MDFIC2: variants seen among roughly 807,000 people sequenced by gnomAD.
The protein encoded by MDFIC2 is myoD family inhibitor domain-containing protein 2.
chr3:70,214,034 G>A (rs9842452), intron 2 of MDFIC2, among the ~76,000 whole-genome samples: 3,386 of 152,098 alleles, frequency 0.022, 100 homozygotes, highest in African/African-American at 0.076. Flanking sequence ...AAGCTGAGTG[G>A]ATAATTTTCT....
At chr3:70,293,840 G>C (rs1702264761) in intron 2 of MDFIC2, among the ~76,000 whole-genome samples, 1 of 151,984 alleles carries the variant, frequency 6.6e-6, no homozygotes, top group Non-Finnish European at 1.5e-5. Flanking sequence ...TTAATTGGTA[G>C]AATCAACTTA....
At chr3:70,297,363 G>A (rs1272443156) in intron 2 of MDFIC2, among the ~76,000 whole-genome samples, 1 of 151,958 alleles carries the variant, frequency 6.6e-6, no homozygotes, top group East Asian at 1.9e-4. Flanking sequence ...AAAAAGAACT[G>A]GATATCTTGG....
Position 70,270,787 on chromosome 3 carries a change from C to A in MDFIC2, c.88+41099G>T, listed in dbSNP as rs1049374924. Among the ~76,000 whole-genome samples the A allele has an allele frequency of 3.9e-5, 6 of 152,106 alleles. No homozygotes were observed. In the East Asian group the frequency reaches 1.2e-3, roughly 29 times the overall value. On this transcript the variant is annotated intron_variant, in intron 2 of 3. Transcript: ENST00000567252. ...ATTCTCAGCAAACTAACACAGGAAC[C>A]AAAAACCAAAAACACAAGTTATCAC...
At chr3:70,274,725 T>G (rs1469662544) in intron 2 of MDFIC2, among the ~76,000 whole-genome samples, 1 of 152,090 alleles carries the variant, frequency 6.6e-6, no homozygotes, top group African/African-American at 2.4e-5. Flanking sequence ...GTAACAAACC[T>G]GCACATCCTG....
intron 2 of MDFIC2, among the ~76,000 whole-genome samples, chr3:70,209,713 G>A (rs544350718): frequency 6.6e-6 from 1 of 152,104 alleles, no homozygotes; most frequent in East Asian, 1.9e-4. Context: ...TTTATTCTTA[G>A]CTTTTATCTC....
At chr3:70,269,961 T>C (rs1035354051) in intron 2 of MDFIC2, among the ~76,000 whole-genome samples, 1 of 151,854 alleles carries the variant, frequency 6.6e-6, no homozygotes, top group African/African-American at 2.4e-5. Flanking sequence ...AAGAAAATGA[T>C]CCTCAAATAA....
chr3:70,276,131 G>GT (rs1702023425), intron 2 of MDFIC2, among the ~76,000 whole-genome samples: 1 of 152,130 alleles, frequency 6.6e-6, no homozygotes, highest in African/African-American at 2.4e-5. Flanking sequence ...AGTTTTGCCA[G>GT]TTTTTTTCCT....
intron 2 of MDFIC2, among the ~76,000 whole-genome samples, chr3:70,296,654 C>T (rs143294045): frequency 2.7e-4 from 41 of 152,264 alleles, no homozygotes; most frequent in African/African-American, 9.1e-4. Flanking sequence ...TCCATTCCCA[C>T]AGCCAATTAC....
chr3:70,222,030 T>C (rs969275301), intron 2 of MDFIC2, among the ~76,000 whole-genome samples: 3 of 152,132 alleles, frequency 2.0e-5, no homozygotes, highest in African/African-American at 7.2e-5. Flanking sequence ...GTGCTTTGGC[T>C]CTATCCCACT....
At chr3:70,253,225 G>T (rs188419211) in intron 2 of MDFIC2, among the ~76,000 whole-genome samples, 1 of 152,312 alleles carries the variant, frequency 6.6e-6, no homozygotes, top group African/African-American at 2.4e-5. Flanking sequence ...TACTGAGAAG[G>T]TGCCTTTTAG....
intron 2 of MDFIC2, among the ~76,000 whole-genome samples, chr3:70,265,918 T>C (rs6419773): frequency 0.98 from 148,473 of 152,234 alleles, 72,496 homozygotes; most frequent in Non-Finnish European, 1. Context: ...GGGGAAGCCA[T>C]ATCCATGATC....
intron 2 of MDFIC2, among the ~76,000 whole-genome samples, chr3:70,292,855 T>C (rs4974263): frequency 0.07 from 10,572 of 151,952 alleles, 583 homozygotes; most frequent in East Asian, 0.28. Flanking sequence ...GAAGGTAGAA[T>C]TACCTTGATA....
At chr3:70,227,098 T>A (rs1701515133) in intron 2 of MDFIC2, among the ~76,000 whole-genome samples, 1 of 152,148 alleles carries the variant, frequency 6.6e-6, no homozygotes, top group Non-Finnish European at 1.5e-5. Context: ...ACAAATTATA[T>A]CCAAGTTCCC....
At chr3:70,216,658 C>T (rs926212483) in intron 2 of MDFIC2, among the ~76,000 whole-genome samples, 1 of 152,024 alleles carries the variant, frequency 6.6e-6, no homozygotes, top group South Asian at 2.1e-4. Context: ...GTATAGTAAC[C>T]ATTTCCCTTC....
chr3:70,289,615 A>G (rs199937535), intron 2 of MDFIC2, among the ~76,000 whole-genome samples: 10,353 of 150,052 alleles, frequency 0.069, 538 homozygotes, highest in East Asian at 0.27. Flanking sequence ...CTGCCTTGCT[A>G]GATTGGGGAA....
chr3:70,256,969 C>T (rs1429217723), intron 2 of MDFIC2, among the ~76,000 whole-genome samples: 1 of 151,988 alleles, frequency 6.6e-6, no homozygotes, highest in Admixed American at 6.6e-5. Context: ...AGGAAAAGCC[C>T]GACTATGGGC....
chr3:70,239,095 A>G (rs1701639879), intron 2 of MDFIC2, among the ~76,000 whole-genome samples: 1 of 152,316 alleles, frequency 6.6e-6, no homozygotes, highest in Middle Eastern at 3.4e-3. Context: ...AAGAATAAAG[A>G]AACTGAGATG....
intron 2 of MDFIC2, among the ~76,000 whole-genome samples, chr3:70,268,809 C>A (rs1701947919): frequency 1.3e-5 from 2 of 152,100 alleles, no homozygotes; most frequent in African/African-American, 4.8e-5. Context: ...TTTCCTTCAT[C>A]TACAAAACAA....
chr3:70,282,450 A>G (rs960116018), intron 2 of MDFIC2, among the ~76,000 whole-genome samples: 3 of 152,228 alleles, frequency 2.0e-5, no homozygotes, highest in African/African-American at 7.2e-5. Flanking sequence ...ATGGAAATTT[A>G]AAGTCATATC....
Sources: gnomAD v4.1 joint callset for allele counts (sites outside exome capture counted in the v4.1 genomes callset) on GRCh38, gnomAD v4.1.1 for gene constraint, MANE v1.5 for transcripts, NCBI Gene and HGNC (gene_info 2026-07-23, HGNC 2026-07-21) for gene names.